Variants in PPARGC1A observed in about 807,000 individuals in gnomAD.
PPARGC1A encodes the protein PPARG coactivator 1 alpha, also known as peroxisome proliferator-activated receptor gamma coactivator 1-alpha.
A neutral mutation model predicts 88.7 loss-of-function variants in PPARGC1A; 25 were observed. The observed-to-expected ratio is 0.28, with a 90% CI of 0.21 to 0.39. The LOEUF (loss-of-function observed/expected upper bound fraction) is 0.39. Among genes scored for constraint, PPARGC1A ranks in the 10% least tolerant of loss-of-function variants. The pLI is 1.00. For missense variants in PPARGC1A, 880 were observed against 968.7 expected (o/e 0.91, Z 1.22); for synonymous variants, 363 against 355.6 (o/e 1.02, Z -0.24).
At chr4:24,095,906 ATCACCTCTTAAAGGCC>A in the PPARGC1A span, among the ~76,000 whole-genome samples, 4 of 152,168 alleles carry the variant, frequency 2.6e-5, no homozygotes, top group Non-Finnish European at 5.9e-5. Flanking sequence ...CGGCAGCCTC[ATCACCTCTTAAAGGCC>A]TCACCTCTTA....
chr4:24,430,255 C>CTTTTTTT, the PPARGC1A span, among the ~76,000 whole-genome samples: 1 of 110,770 alleles, frequency 9.0e-6, no homozygotes, highest in Non-Finnish European at 1.8e-5. Context: ...TTTTGTATTT[C>CTTTTTTT]TTTTTTTTTT....
the PPARGC1A span, among the ~76,000 whole-genome samples, chr4:24,138,691 C>G: frequency 6.6e-6 from 1 of 152,172 alleles, no homozygotes; most frequent in Non-Finnish European, 1.5e-5. Flanking sequence ...CTGTCTGTCT[C>G]TCCTTCTCTT....
chr4:23,824,160 C>G (rs1723493783), intron 7 of PPARGC1A, 120 bp downstream of exon 7: 1 of 790,044 alleles, frequency 1.3e-6, no homozygotes, highest in Admixed American at 2.5e-5. Flanking sequence ...ACTTCTTATC[C>G]AATTTTGTAT....
At chr4:24,468,925 C>G in the PPARGC1A span, among the ~76,000 whole-genome samples, 2 of 152,150 alleles carry the variant, frequency 1.3e-5, no homozygotes, top group African/African-American at 2.4e-5. Flanking sequence ...GTTCCTTTTA[C>G]ATGGTATTAG....
the PPARGC1A span, among the ~76,000 whole-genome samples, chr4:24,104,081 A>G: frequency 3.9e-5 from 6 of 152,222 alleles, no homozygotes; most frequent in Non-Finnish European, 1.5e-5. Context: ...AATCACTTGA[A>G]GACATTCTGA....
chr4:23,805,769 A>G (rs1321012613), intron 10 of PPARGC1A, among the ~76,000 whole-genome samples: 1 of 152,080 alleles, frequency 6.6e-6, no homozygotes, highest in Non-Finnish European at 1.5e-5. Flanking sequence ...AAAAGTTACT[A>G]CTGTATAGAG....
the PPARGC1A span, among the ~76,000 whole-genome samples, chr4:24,062,104 C>G: frequency 6.6e-6 from 1 of 152,100 alleles, no homozygotes. Context: ...TTTGCAAACT[C>G]AATCCTAAGA....
At chr4:24,136,213 A>G in the PPARGC1A span, among the ~76,000 whole-genome samples, 50 of 152,332 alleles carry the variant, frequency 3.3e-4, no homozygotes, top group African/African-American at 1.2e-3. Flanking sequence ...TGAAGGGTAT[A>G]GTCAACTGGG....
intron 1 of PPARGC1A, chr4:23,889,508 T>C (rs1717483467): frequency 2.3e-6 from 1 of 426,124 alleles, no homozygotes; most frequent in Admixed American, 6.4e-5. Context: ...ATTTTAATAT[T>C]TTTATCTTCG....
At chr4:24,172,263 C>A in the PPARGC1A span, among the ~76,000 whole-genome samples, 1 of 152,214 alleles carries the variant, frequency 6.6e-6, no homozygotes, top group Non-Finnish European at 1.5e-5. Context: ...TTCAGATAAA[C>A]TTCCAACTCA....
chr4:24,286,468 A>G, the PPARGC1A span, among the ~76,000 whole-genome samples: 1 of 152,192 alleles, frequency 6.6e-6, no homozygotes, highest in Non-Finnish European at 1.5e-5. Flanking sequence ...GGTGGCTCCC[A>G]AGAGAAGTTT....
chr4:24,020,962 G>A, the PPARGC1A span, among the ~76,000 whole-genome samples: 3 of 152,214 alleles, frequency 2.0e-5, no homozygotes, highest in Non-Finnish European at 4.4e-5. Flanking sequence ...CAGTGTGGCA[G>A]TTGGCTTAGC....
chr4:23,985,850 G>A, the PPARGC1A span, among the ~76,000 whole-genome samples: 126,922 of 151,904 alleles, frequency 0.84, 53,144 homozygotes, highest in African/African-American at 0.85. Flanking sequence ...ACCCTACCCA[G>A]TTTTTTAATG....
chr4:23,877,455 G>A (rs991706737), intron 2 of PPARGC1A, among the ~76,000 whole-genome samples: 2 of 146,698 alleles, frequency 1.4e-5, no homozygotes, highest in East Asian at 2.0e-4. Flanking sequence ...GGAGAATGGC[G>A]TGAACCCAGG....
the PPARGC1A span, among the ~76,000 whole-genome samples, chr4:24,138,245 T>C: frequency 6.6e-6 from 1 of 152,090 alleles, no homozygotes; most frequent in Admixed American, 6.5e-5. Flanking sequence ...CCCCTGAAGG[T>C]CAGAGAACTC....
chr4:23,915,300 C>T, the PPARGC1A span, among the ~76,000 whole-genome samples: 1 of 152,056 alleles, frequency 6.6e-6, no homozygotes, highest in Non-Finnish European at 1.5e-5. Context: ...CTAGAACATA[C>T]CTGGAATTCA....
chr4:24,290,552 C>A, the PPARGC1A span, among the ~76,000 whole-genome samples: 1 of 152,146 alleles, frequency 6.6e-6, no homozygotes. Context: ...AAATAAAGTG[C>A]TGAACACGGT....
chr4:24,051,615 T>C, the PPARGC1A span, among the ~76,000 whole-genome samples: 3 of 152,338 alleles, frequency 2.0e-5, no homozygotes, highest in South Asian at 6.2e-4. Flanking sequence ...CCACATTATC[T>C]GCTTTCTTAA....
chr4:24,073,706 A>G, the PPARGC1A span, among the ~76,000 whole-genome samples: 1 of 152,140 alleles, frequency 6.6e-6, no homozygotes, highest in South Asian at 2.1e-4. Context: ...ACAGATGGGG[A>G]AAACATGGAG....
Sources: gnomAD v4.1 joint callset for allele counts (sites outside exome capture counted in the v4.1 genomes callset) on GRCh38, gnomAD v4.1.1 for gene constraint, MANE v1.5 for transcripts, NCBI Gene and HGNC (gene_info 2026-07-23, HGNC 2026-07-21) for gene names.